Variants in FAM193B observed in about 807,000 individuals in gnomAD.
FAM193B encodes family with sequence similarity 193 member B, also known as protein FAM193B.
A neutral mutation model predicts 70.7 loss-of-function variants in FAM193B; 27 were observed. The ratio of observed to expected loss-of-function variants is 0.38; its 90% CI spans 0.28 to 0.53. FAM193B has a LOEUF of 0.53. Ranked by LOEUF, FAM193B falls within the 20% of genes least tolerant of loss-of-function variation. FAM193B has a pLI of 0.81. For synonymous variants in FAM193B, 448 were observed against 436.0 expected (o/e 1.03, Z -0.34); for missense variants, 1,022 against 1,072.5 (o/e 0.95, Z 0.66).
chr5:177,537,203 A>T (rs1764279106), intron 3 of FAM193B, among the ~76,000 whole-genome samples: 1 of 152,002 alleles, frequency 6.6e-6, no homozygotes, highest in Non-Finnish European at 1.5e-5. Flanking sequence ...GGTTCTGATG[A>T]CTCTCTAGCT....
intron 4 of FAM193B, among the ~76,000 whole-genome samples, chr5:177,535,620 A>C (rs1180607283): frequency 1.3e-5 from 2 of 152,232 alleles, no homozygotes; most frequent in Non-Finnish European, 2.9e-5. Flanking sequence ...AAATGCCTAG[A>C]TATCCAGGAA....
At chr5:177,539,912 C>G (rs930749541) in intron 1 of FAM193B, among the ~76,000 whole-genome samples, 18 of 152,100 alleles carry the variant, frequency 1.2e-4, no homozygotes, top group African/African-American at 3.9e-4. Flanking sequence ...ATCATCACTG[C>G]GTAGCAGGTA....
rs759327604 is a variant in FAM193B, at chr5:177,538,888, T to C, written c.453+17A>G. The C allele has an allele frequency of 2.5e-6, 4 of 1,612,782 alleles. No homozygotes were observed. Among genetic ancestry groups the C allele is most frequent in the Non-Finnish European group, 3.4e-6 (4 of 1,178,974 alleles). On this transcript the variant is annotated intron_variant, in intron 2 of 8. Coordinates refer to ENST00000514747, the MANE Select transcript of FAM193B (RefSeq NM_001190946.3). This position sits in a 1 kb window ranked among gnomAD's most constrained non-coding sequence, Gnocchi z 4.1. ...GAGCCCTCCTGCATTCAGGGACCCCTGTCAGCGGTTACCTACCGCCACTGC... is the reference window on the plus strand; with the variant it reads ...GAGCCCTCCTGCATTCAGGGACCCCCGTCAGCGGTTACCTACCGCCACTGC...
intron 1 of FAM193B, among the ~76,000 whole-genome samples, chr5:177,539,998 G>A (rs1750675061): frequency 6.6e-6 from 1 of 151,632 alleles, no homozygotes; most frequent in Non-Finnish European, 1.5e-5. Flanking sequence ...TGCCTTCTGT[G>A]ACAAACTTGC....
Position 177,524,224 on chromosome 5 carries a change from G to T in FAM193B, c.2257C>A (p.Arg753=), listed in dbSNP as rs1227372654. The part of the protein sequence containing the change: ...SLPQGKGRSR[R]SRNKQEKPAS... The stretch of plus-strand genomic sequence containing the variant: ...GGCTTCTCCTGCTTGTTGCGGCTCC[G>T]GCGGCTGCGGCCCTTGCCCTGGGGC... The change falls in exon 6 of 9, where the codon CGG becomes AGG. Residue 753 remains arginine (R), a synonymous_variant. Transcript: ENST00000514747. The T allele has an allele frequency of 6.5e-7, 1 of 1,546,806 alleles. No individual in the cohort carries two copies. The highest frequency in any genetic ancestry group is 8.7e-7 in the Non-Finnish European group (1 of 1,147,124).
At position 177,538,628 on chromosome 5, in the gene FAM193B, C is replaced by T. The variant is rs1180751214; in HGVS notation, c.453+277G>A. On this transcript the variant is annotated intron_variant, in intron 2 of 8. Coordinates refer to ENST00000514747, the MANE Select transcript of FAM193B (RefSeq NM_001190946.3). This position sits in a 1 kb window ranked among gnomAD's most constrained non-coding sequence, Gnocchi z 4.1. ...GTTGGCTTTCAAGCTGCCACAGAGC[C>T]GAAGGCAGCAGGCTCGTGATCTACC... Among the ~76,000 whole-genome samples the T allele has an allele frequency of 6.6e-5, 10 of 152,188 alleles. No homozygotes were observed. The highest frequency in any genetic ancestry group is 1.3e-4 in the Admixed American group (2 of 15,280).
chr5:177,525,785 T>C (rs1762500722), intron 5 of FAM193B, among the ~76,000 whole-genome samples: 2 of 152,252 alleles, frequency 1.3e-5, no homozygotes, highest in African/African-American at 4.8e-5. Context: ...ACAAACACAC[T>C]GGCCTACACA....
chr5:177,540,556 C>T (rs990315262), intron 1 of FAM193B, among the ~76,000 whole-genome samples: 3 of 152,140 alleles, frequency 2.0e-5, no homozygotes, highest in Non-Finnish European at 4.4e-5. Context: ...TTTCCATGCA[C>T]GGCTGGGCTT....
chr5:177,541,474 A>G (rs901091867), intron 1 of FAM193B, among the ~76,000 whole-genome samples: 11 of 151,990 alleles, frequency 7.2e-5, no homozygotes, highest in Non-Finnish European at 1.6e-4. Flanking sequence ...GCTGGAGTGC[A>G]GTGGTACGAT....
intron 4 of FAM193B, 169 bp downstream of exon 4, chr5:177,536,189 A>G: frequency 6.9e-6 from 5 of 726,970 alleles, no homozygotes; most frequent in Non-Finnish European, 9.0e-6. Flanking sequence ...CTAGGAGTAT[A>G]GGTGTGAGCC....
chr5:177,546,722 A>G (rs1418061522), intron 1 of FAM193B, among the ~76,000 whole-genome samples: 1 of 152,212 alleles, frequency 6.6e-6, no homozygotes, highest in Non-Finnish European at 1.5e-5. Flanking sequence ...AGGAGGTAGA[A>G]CAGCTGTTTC....
chr5:177,550,856 G>A (rs1581947935), intron 1 of FAM193B, among the ~76,000 whole-genome samples: 1 of 152,156 alleles, frequency 6.6e-6, no homozygotes, highest in South Asian at 2.1e-4. Context: ...AGGAGACGGT[G>A]TTTCCCTCTC....
intron 1 of FAM193B, chr5:177,553,425 G>A (rs1581958073): frequency 1.9e-6 from 2 of 1,050,848 alleles, no homozygotes; most frequent in African/African-American, 3.4e-5. Flanking sequence ...ACCCAGCCCC[G>A]AGTGCCACAA....
chr5:177,535,235 C>A (rs1044928624), intron 4 of FAM193B, among the ~76,000 whole-genome samples: 2 of 152,196 alleles, frequency 1.3e-5, no homozygotes, highest in Non-Finnish European at 2.9e-5. Context: ...ACATGAATTG[C>A]GGTCGATGTT....
At chr5:177,528,161 G>A (rs1367884981) in intron 5 of FAM193B, among the ~76,000 whole-genome samples, 1 of 152,192 alleles carries the variant, frequency 6.6e-6, no homozygotes, top group African/African-American at 2.4e-5. Flanking sequence ...GGACAGAGGA[G>A]CCCAAAGACA....
In FAM193B at chr5:177,524,005, T is replaced by C. The variant is rs1561747488; in HGVS notation, c.2324A>G (p.Asp775Gly). The C allele has an allele frequency of 3.7e-6, 6 of 1,614,028 alleles. No homozygotes were observed. Among genetic ancestry groups the C allele is most frequent in the Non-Finnish European group, 5.1e-6 (6 of 1,179,882 alleles). The change falls in exon 7 of 9, where the codon GAC becomes GGC. Residue 775 changes from aspartate to glycine, a missense_variant. By Grantham distance (94) the Asp-to-Gly change is moderately conservative. Transcript: ENST00000514747. ...LDDVFLPKDM[D>G]GVEMDETDRE... ...GTCAGTCTCATCCATCTCCACCCCG[T>C]CCATGTCCTTGGGCAGGAACACATC...
intron 5 of FAM193B, chr5:177,531,962 C>T: frequency 7.0e-6 from 9 of 1,285,564 alleles, no homozygotes; most frequent in Non-Finnish European, 9.1e-6. Flanking sequence ...CCTTATGAGA[C>T]TTCTGCACTG....
Position 177,553,942 on chromosome 5 carries a change from C to G in FAM193B, c.210+307G>C, listed in dbSNP as rs939236809. On this transcript the variant is annotated intron_variant, in intron 1 of 8. Coordinates refer to ENST00000514747, the MANE Select transcript of FAM193B (RefSeq NM_001190946.3). The stretch of plus-strand genomic sequence containing the variant: ...TGGCGGGCCGAGAGCGGAGCTGCGG[C>G]CTCGGGATCACAGCCCAGTCCCAGT... The G allele has an allele frequency of 2.4e-6, 3 of 1,238,092 alleles. No individual in the cohort carries two copies. In the African/African-American group the frequency reaches 4.7e-5, roughly 19 times the overall value. The allele number at this position is 1,238,092 out of a possible 1,614,324, so 76.7% of individuals were successfully genotyped here. A position where few individuals can be genotyped will look rare whatever the true frequency, so the allele number is the denominator to read the frequency against.
rs752612138 is a variant in FAM193B at position 177,552,790 on chromosome 5, G to A, written c.210+1459C>T. Among the ~76,000 whole-genome samples, 7 of 152,342 alleles carry A rather than the reference G, an allele frequency of 4.6e-5. 1 individual carries two copies. The South Asian group carries it at 1.4e-3, about 32-fold the overall frequency. On this transcript the variant is annotated intron_variant, in intron 1 of 8. Coordinates refer to ENST00000514747, the MANE Select transcript of FAM193B (RefSeq NM_001190946.3). ...AGGTGGAGCTTCTGACACTCAGTAA[G>A]TGCTGACATTTTCATTAATTAAAAA...
Sources: gnomAD v4.1 joint callset for allele counts (sites outside exome capture counted in the v4.1 genomes callset) on GRCh38, gnomAD v4.1.1 for gene constraint, Gnocchi (gnomAD v3.1) non-coding constraint, MANE v1.5 for transcripts, NCBI Gene and HGNC (gene_info 2026-07-23, HGNC 2026-07-21) for gene names.